HIPK3: variants seen among roughly 807,000 people sequenced by gnomAD.
HIPK3 encodes homeodomain interacting protein kinase 3, also known as homeodomain-interacting protein kinase 3.
In HIPK3, 47 loss-of-function variants were observed where a neutral mutation model predicts 124.2. That is an observed-to-expected ratio of 0.38 (90% CI 0.30 to 0.48). The LOEUF (loss-of-function observed/expected upper bound fraction) is 0.48. Among genes scored for constraint, HIPK3 ranks in the 20% least tolerant of loss-of-function variants. The pLI is 0.98. For synonymous variants in HIPK3, 482 were observed against 515.2 expected (o/e 0.94, Z 0.87); for missense variants, 1,286 against 1,454.3 (o/e 0.88, Z 1.88).
intron 5 of HIPK3, among the ~76,000 whole-genome samples, chr11:33,339,061 A>C (rs1853249319): frequency 6.6e-6 from 1 of 152,234 alleles, no homozygotes; most frequent in Admixed American, 6.5e-5. Flanking sequence ...TTTAGTAAAA[A>C]AGTTTTTGCT....
intron 14 of HIPK3, among the ~76,000 whole-genome samples, chr11:33,350,306 C>T (rs1354148431): frequency 1.3e-5 from 2 of 152,032 alleles, no homozygotes. Flanking sequence ...ATCCTTTGGC[C>T]AGCGACATGT....
At chr11:33,296,830 G>A (rs898661865) in intron 2 of HIPK3, among the ~76,000 whole-genome samples, 1 of 152,214 alleles carries the variant, frequency 6.6e-6, no homozygotes, top group Non-Finnish European at 1.5e-5. Flanking sequence ...AAGTAGGCCA[G>A]TTAGTAACCC....
intron 2 of HIPK3, among the ~76,000 whole-genome samples, chr11:33,298,973 A>G (rs560957048): frequency 1.3e-5 from 2 of 152,070 alleles, no homozygotes; most frequent in African/African-American, 2.4e-5. Flanking sequence ...CAGCCTCCCA[A>G]GTAGCTGGAA....
At chr11:33,310,283 A>ATCTATCTATCTATCTATCTC (rs1852293108) in intron 2 of HIPK3, among the ~76,000 whole-genome samples, 1 of 149,188 alleles carries the variant, frequency 6.7e-6, no homozygotes, top group African/African-American at 2.5e-5. Context: ...TGTCTATCTT[A>ATCTATCTATCTATCTATCTC]TCTATCTATC....
intron 14 of HIPK3, among the ~76,000 whole-genome samples, chr11:33,350,642 A>G (rs968272922): frequency 2.0e-5 from 3 of 152,104 alleles, no homozygotes; most frequent in Non-Finnish European, 2.9e-5. Context: ...CCACTGCACT[A>G]TAGCCTGGGC....
intron 2 of HIPK3, among the ~76,000 whole-genome samples, chr11:33,304,108 T>G (rs1301305341): frequency 6.6e-6 from 1 of 152,108 alleles, no homozygotes; most frequent in Non-Finnish European, 1.5e-5. Flanking sequence ...GTCCAGCTAA[T>G]TTTTTGTATT....
intron 2 of HIPK3, among the ~76,000 whole-genome samples, chr11:33,314,217 A>T (rs1852429875): frequency 6.6e-6 from 1 of 152,218 alleles, no homozygotes; most frequent in African/African-American, 2.4e-5. Context: ...GGTTTGTATA[A>T]GCCCCACCTT....
chr11:33,310,415 C>T (rs1212439171), intron 2 of HIPK3, among the ~76,000 whole-genome samples: 1 of 152,128 alleles, frequency 6.6e-6, no homozygotes, highest in African/African-American at 2.4e-5. Flanking sequence ...AAGTGATTCT[C>T]CTGCCTCTCA....
Position 33,353,553 on chromosome 11 carries a change from GTA to G in HIPK3, c.3635_3636del (p.Tyr1212SerfsTer18). ...FPLSPTKLSQ[Y>X]PYM ...CACTGAGTCCAACAAAACTCAGCCA[GTA>G]TCCATATATGTGAAAAACAGTATAT... On this transcript the variant is annotated frameshift_variant, in exon 17 of 17. Transcript: ENST00000303296. LOFTEE classifies it high-confidence loss of function. 2 of 1,598,528 alleles carry G rather than the reference GTA, an allele frequency of 1.3e-6. No individual in the cohort carries two copies. Among genetic ancestry groups the G allele is most frequent in the Non-Finnish European group, 1.7e-6 (2 of 1,165,902 alleles).
chr11:33,339,567 T>TA (rs201420846), intron 6 of HIPK3, 33 bp downstream of exon 6: 756 of 1,362,594 alleles, frequency 5.5e-4, no homozygotes, highest in South Asian at 9.6e-4. Context: ...AAAGTGGTTC[T>TA]AAAAAAAAAT....
At chr11:33,321,178 G>C (rs1590398481) in intron 2 of HIPK3, among the ~76,000 whole-genome samples, 2 of 152,204 alleles carry the variant, frequency 1.3e-5, no homozygotes, top group African/African-American at 4.8e-5. Flanking sequence ...ATAATCAGCT[G>C]TGTTAAATAC....
rs76880507 is a variant in HIPK3 at position 33,327,695 on chromosome 11, C to T, written c.1098-815C>T. Among the ~76,000 whole-genome samples the T allele has an allele frequency of 5.4e-4, 82 of 152,250 alleles. 1 individual carries two copies. In the East Asian group the frequency reaches 0.014, roughly 26 times the overall value. ...ATTTAAGGAAAAAATATGTACTGTT[C>T]TTGCAACTTCTCTGTAAGATTGAGA... On this transcript the variant is annotated intron_variant, in intron 2 of 16. Transcript: ENST00000303296.
In HIPK3 at chr11:33,347,372, A is replaced by G. The variant is rs772848475; in HGVS notation, c.1977A>G (p.Pro659=). 4 of 1,614,016 alleles carry G rather than the reference A, an allele frequency of 2.5e-6. No homozygotes were observed. In the African/African-American group the frequency reaches 5.3e-5, roughly 22 times the overall value. The change falls in exon 9 of 17, where the codon CCA becomes CCG. Residue 659 remains proline (P), a synonymous_variant. Transcript: ENST00000303296. ...DNTVPLVTQA[P]AVQPLQIRPG... Reference sequence around the variant, plus strand: ...CAGTTCCACTTGTAACTCAGGCCCCAGCTGTGCAGCCACTACAGATCCGAC... The same window carrying G: ...CAGTTCCACTTGTAACTCAGGCCCCGGCTGTGCAGCCACTACAGATCCGAC...
At chr11:33,326,778 C>A (rs1017842836) in intron 2 of HIPK3, among the ~76,000 whole-genome samples, 2 of 151,784 alleles carry the variant, frequency 1.3e-5, no homozygotes, top group African/African-American at 4.8e-5. Context: ...CTCAAGTGAC[C>A]CTTCCACCTC....
intron 2 of HIPK3, among the ~76,000 whole-genome samples, chr11:33,290,773 C>G: frequency 6.6e-6 from 1 of 151,824 alleles, no homozygotes; most frequent in Non-Finnish European, 1.5e-5. Flanking sequence ...GGCCTTTGCA[C>G]AAATACTAGC....
chr11:33,287,765 G>C (rs1003054767), intron 2 of HIPK3, among the ~76,000 whole-genome samples: 1 of 152,150 alleles, frequency 6.6e-6, no homozygotes, highest in Non-Finnish European at 1.5e-5. Flanking sequence ...TGGAAGACTT[G>C]AAGGAATGAT....
intron 3 of HIPK3, 92 bp downstream of exon 3, chr11:33,328,725 T>C (rs1852883152): frequency 9.0e-7 from 1 of 1,108,412 alleles, no homozygotes. Flanking sequence ...TACAATACAC[T>C]GGAAAGTCTT....
At chr11:33,283,931 T>C (rs1851479856) in intron 1 of HIPK3, among the ~76,000 whole-genome samples, 1 of 152,144 alleles carries the variant, frequency 6.6e-6, no homozygotes, top group African/African-American at 2.4e-5. Context: ...CGCCTCGGCC[T>C]CCCAAAGTGC....
chr11:33,348,376 T>G, intron 12 of HIPK3, 146 bp from the exon 13 acceptor site: 1 of 998,464 alleles, frequency 1.0e-6, no homozygotes, highest in Non-Finnish European at 1.5e-6. Flanking sequence ...ATTTTATATT[T>G]CACAAAAACT....
Sources: gnomAD v4.1 joint callset for allele counts (sites outside exome capture counted in the v4.1 genomes callset) on GRCh38, gnomAD v4.1.1 for gene constraint, MANE v1.5 for transcripts, NCBI Gene and HGNC (gene_info 2026-07-23, HGNC 2026-07-21) for gene names.